The following PCDHA5 variants were observed in gnomAD, a reference collection of about 807,000 sequenced individuals.
The protein encoded by PCDHA5 is protocadherin alpha-5.
In PCDHA5, 43 loss-of-function variants were observed where a neutral mutation model predicts 61.6. The observed-to-expected ratio is 0.70, with a 90% confidence interval of 0.55 to 0.90. The LOEUF is 0.90. PCDHA5 is among the 40% of genes least tolerant of loss of function. PCDHA5 has a pLI of 0.00. For synonymous variants in PCDHA5, 627 were observed against 543.9 expected (o/e 1.15, Z -2.13); for missense variants, 1,298 against 1,222.7 (o/e 1.06, Z -0.92).
At chr5:140,828,431 C>A in intron 1 of PCDHA5, 1 of 1,614,244 alleles carries the variant, frequency 6.2e-7, no homozygotes, top group Non-Finnish European at 8.5e-7. Context: ...GGACAGGCCG[C>A]TGCAGGTTTT....
chr5:140,974,221 T>A (rs75147433), intron 1 of PCDHA5, among the ~76,000 whole-genome samples: 1,739 of 152,246 alleles, frequency 0.011, 25 homozygotes, highest in Non-Finnish European at 0.017. Context: ...TAAAGAGAAA[T>A]CTTAGTTCCT....
chr5:140,915,164 G>A (rs782783727), intron 1 of PCDHA5, among the ~76,000 whole-genome samples: 27 of 152,144 alleles, frequency 1.8e-4, no homozygotes, highest in African/African-American at 5.3e-4. Flanking sequence ...GGCCAGGATA[G>A]TCTCGATCTC....
At chr5:140,828,668 G>A (rs2150157803) in intron 1 of PCDHA5, 1 of 1,614,160 alleles carries the variant, frequency 6.2e-7, no homozygotes, top group East Asian at 2.2e-5. Context: ...TAAACAAATT[G>A]GGCTCTTATT....
In PCDHA5 at chr5:140,857,236, G is replaced by C; in HGVS notation, c.2352+33109G>C. On this transcript the variant is annotated intron_variant, in intron 1 of 3. Transcript: ENST00000529859. ...TGACGCCTCACGTTCCGTTCAAGCTGGTGTCCACCTACAAGAATTACTACT... is the reference window on the plus strand; with the variant it reads ...TGACGCCTCACGTTCCGTTCAAGCTCGTGTCCACCTACAAGAATTACTACT... 6.9e-6 allele frequency: 11 copies of C among 1,598,556 alleles called. 1 individual carries two copies. Among genetic ancestry groups the C allele is most frequent in the Non-Finnish European group, 8.6e-6 (10 of 1,167,952 alleles).
intron 1 of PCDHA5, among the ~76,000 whole-genome samples, chr5:140,960,822 T>C (rs1225829114): frequency 4.6e-5 from 7 of 152,080 alleles, no homozygotes; most frequent in African/African-American, 1.7e-4. Context: ...AAGTGATGAA[T>C]GGAAACTTGG....
intron 1 of PCDHA5, among the ~76,000 whole-genome samples, chr5:140,888,737 A>T (rs1468383652): frequency 6.6e-6 from 1 of 152,036 alleles, no homozygotes; most frequent in Non-Finnish European, 1.5e-5. Context: ...TGTGAGCTCT[A>T]GGAATTATTC....
intron 1 of PCDHA5, chr5:140,829,221 T>C (rs1206771984): frequency 1.9e-6 from 3 of 1,614,108 alleles, no homozygotes; most frequent in Non-Finnish European, 2.5e-6. Context: ...GTGAACGACC[T>C]CGATTCAGGT....
At chr5:141,000,412 TATA>T (rs2097919742) in intron 3 of PCDHA5, among the ~76,000 whole-genome samples, 3 of 102,806 alleles carry the variant, frequency 2.9e-5, no homozygotes, top group African/African-American at 7.7e-5. Flanking sequence ...TATATATATA[TATA>T]TATATATTTT....
In PCDHA5 at chr5:140,855,922, T is replaced by C. The variant is rs2043674213; in HGVS notation, c.2352+31795T>C. ...AGCCAGTTTCTCAAGGACTAGGAAG[T>C]AGCGTCATTCTGAGATCTCAGCCAT... On this transcript the variant is annotated intron_variant, in intron 1 of 3. Transcript: ENST00000529859. The C allele has an allele frequency of 3.3e-6, 4 of 1,227,726 alleles. No homozygotes were observed. In the Admixed American group the frequency reaches 1.0e-4, roughly 31 times the overall value. The allele number at this position is 1,227,726 out of a possible 1,614,324, so 76.1% of individuals were successfully genotyped here.
intron 1 of PCDHA5, among the ~76,000 whole-genome samples, chr5:140,837,757 A>G (rs1220991667): frequency 6.6e-6 from 1 of 151,692 alleles, no homozygotes; most frequent in Non-Finnish European, 1.5e-5. Flanking sequence ...GCCCACTGCA[A>G]CCTGAAAGTC....
intron 1 of PCDHA5, among the ~76,000 whole-genome samples, chr5:140,978,085 C>T (rs1056593415): frequency 2.2e-4 from 33 of 152,186 alleles, no homozygotes; most frequent in African/African-American, 8.0e-4. Flanking sequence ...AGCTTCTAAC[C>T]AGCACATAAC....
intron 1 of PCDHA5, among the ~76,000 whole-genome samples, chr5:140,839,682 A>AT (rs1213854043): frequency 2.0e-5 from 3 of 152,030 alleles, no homozygotes; most frequent in Non-Finnish European, 4.4e-5. Flanking sequence ...AACTACAGAG[A>AT]TTTTTTTGGG....
intron 1 of PCDHA5, chr5:140,867,238 T>C (rs2049839993): frequency 1.3e-5 from 2 of 152,118 alleles, no homozygotes; most frequent in African/African-American, 4.8e-5. Context: ...AATAAGGTGA[T>C]TGAGGATCTG....
chr5:140,912,393 G>T (rs1312827248), intron 1 of PCDHA5, among the ~76,000 whole-genome samples: 1 of 147,816 alleles, frequency 6.8e-6, no homozygotes, highest in Admixed American at 6.7e-5. Context: ...TTCTTAATTT[G>T]ATTCTCAGCT....
chr5:140,836,520 C>T (rs1450136766), intron 1 of PCDHA5: 2 of 1,613,738 alleles, frequency 1.2e-6, no homozygotes, highest in Admixed American at 1.7e-5. Context: ...TCTGTTGGTG[C>T]TTACCCTGCT....
chr5:140,971,642 A>G (rs1586490477), intron 1 of PCDHA5, among the ~76,000 whole-genome samples: 1 of 152,330 alleles, frequency 6.6e-6, no homozygotes, highest in East Asian at 1.9e-4. Flanking sequence ...ATGTGCCTAC[A>G]TTAAAAGTAG....
intron 2 of PCDHA5, among the ~76,000 whole-genome samples, chr5:140,979,661 GTCTC>G (rs2096859733): frequency 6.6e-6 from 1 of 152,146 alleles, no homozygotes; most frequent in South Asian, 2.1e-4. Context: ...TCTCTACTTT[GTCTC>G]TCTGACAGTA....
At chr5:140,853,171 G>T (rs2150529478) in intron 1 of PCDHA5, 1 of 965,252 alleles carries the variant, frequency 1.0e-6, no homozygotes, top group Non-Finnish European at 1.3e-6. Flanking sequence ...GAGCCACCGC[G>T]CCTGGCCTAA....
chr5:140,905,948 G>A (rs2072228532), intron 1 of PCDHA5, among the ~76,000 whole-genome samples: 3 of 152,180 alleles, frequency 2.0e-5, no homozygotes, highest in Non-Finnish European at 4.4e-5. Flanking sequence ...CTTGGAATCC[G>A]ATGTTCAAGG....
Sources: gnomAD v4.1 joint callset for allele counts (sites outside exome capture counted in the v4.1 genomes callset) on GRCh38, gnomAD v4.1.1 for gene constraint, MANE v1.5 for transcripts, NCBI Gene and HGNC (gene_info 2026-07-23, HGNC 2026-07-21) for gene names.